The following TDRP variants were observed in gnomAD, a reference collection of about 807,000 sequenced individuals.
The protein encoded by TDRP is testis development-related protein.
Under a neutral mutation model 10.5 loss-of-function variants are expected in TDRP, and 12 were observed. The ratio of observed to expected loss-of-function variants is 1.15; its 90% confidence interval spans 0.73 to 1.86. The LOEUF (loss-of-function observed/expected upper bound fraction) is 1.86. Ranked by LOEUF, TDRP falls within the 40% of genes most tolerant of loss-of-function variation. The pLI, the probability that TDRP is intolerant of heterozygous loss-of-function variation, is 0.00. For synonymous variants in TDRP, 139 were observed against 95.4 expected, an observed-to-expected ratio of 1.46 and a Z score of -2.67; for missense variants, 353 against 229.2, an observed-to-expected ratio of 1.54 and a Z score of -3.49.
At chr8:508,682 G>C (rs577531288) in intron 1 of TDRP, among the ~76,000 whole-genome samples, 4 of 152,080 alleles carry the variant, frequency 2.6e-5, no homozygotes, top group African/African-American at 9.7e-5. Flanking sequence ...GGGACACACA[G>C]CCAAACCGTA....
intron 1 of TDRP, among the ~76,000 whole-genome samples, chr8:502,511 A>T (rs966101102): frequency 6.6e-6 from 1 of 152,176 alleles, no homozygotes; most frequent in African/African-American, 2.4e-5. Flanking sequence ...ACACAGTCTG[A>T]CTCAAAAAAC....
chr8:508,533 T>A lies in TDRP; in HGVS notation c.109-13936A>T, dbSNP rs193179946. Among the ~76,000 whole-genome samples the A allele has an allele frequency of 1.0e-3, 157 of 152,182 alleles. 3 individuals are homozygous for A. Among genetic ancestry groups the A allele is most frequent in the African/African-American group, 3.5e-3 (147 of 41,544 alleles). ...GGGGGAAGACTCCCTTATAAAACCA[T>A]CAGATCTCATGAGAACTCACTCACT... On this transcript the variant is annotated intron_variant, in intron 1 of 2. Transcript: ENST00000324079.
At chr8:521,045 G>C (rs947812334) in intron 1 of TDRP, among the ~76,000 whole-genome samples, 3 of 151,864 alleles carry the variant, frequency 2.0e-5, no homozygotes, top group Non-Finnish European at 4.4e-5. Context: ...TTTCTTCTAG[G>C]AGTTTTATAA....
chr8:499,832 C>G (rs1044432791), intron 1 of TDRP, among the ~76,000 whole-genome samples: 1 of 152,192 alleles, frequency 6.6e-6, no homozygotes, highest in African/African-American at 2.4e-5. Context: ...GGTGGAGTTC[C>G]TGAAGGGCCC....
At chr8:521,423 C>T (rs1584872859) in intron 1 of TDRP, among the ~76,000 whole-genome samples, 1 of 151,646 alleles carries the variant, frequency 6.6e-6, no homozygotes, top group Admixed American at 6.6e-5. Context: ...TCCCAAAAAA[C>T]AAAAAAAGAT....
intron 1 of TDRP, among the ~76,000 whole-genome samples, chr8:501,997 G>A (rs1801316711): frequency 6.6e-6 from 1 of 152,206 alleles, no homozygotes; most frequent in Non-Finnish European, 1.5e-5. Context: ...TGGGGGTGGT[G>A]ACGTGGTGAG....
intron 1 of TDRP, among the ~76,000 whole-genome samples, chr8:542,187 C>T (rs999685435): frequency 9.2e-5 from 14 of 152,134 alleles, no homozygotes; most frequent in Admixed American, 9.2e-4. Flanking sequence ...TGAATGCAAC[C>T]AAATGACATT....
In TDRP at chr8:492,468, TGCCGCGCGCAGGCTCCACCTGGA is replaced by T; in HGVS notation, c.466_488del (p.Ser156ArgfsTer11). On this transcript the variant is annotated frameshift_variant, in exon 3 of 3. Transcript: ENST00000324079. LOFTEE classifies it high-confidence loss of function. ...GCCGTCGGATGCTCACCAGCCTCCC[TGCCGCGCGCAGGCTCCACCTGGA>T]GCTGTTGGCAGAGCTGGCCAGGCTG... 6.2e-7 allele frequency: 1 copy of T among 1,604,212 alleles called. No individual in the cohort carries two copies. The highest frequency in any genetic ancestry group is 2.2e-5 in the East Asian group (1 of 44,624).
intron 1 of TDRP, among the ~76,000 whole-genome samples, chr8:531,241 A>C (rs1428854778): frequency 6.6e-6 from 1 of 152,026 alleles, no homozygotes. Context: ...TGTGACTTCT[A>C]AACTGGTTTC....
chr8:531,427 T>G (rs1802194217), intron 1 of TDRP, among the ~76,000 whole-genome samples: 1 of 152,164 alleles, frequency 6.6e-6, no homozygotes, highest in Non-Finnish European at 1.5e-5. Flanking sequence ...CTGAAGTGGG[T>G]GCAGTCTTGC....
intron 1 of TDRP, among the ~76,000 whole-genome samples, chr8:495,768 C>T (rs1801111090): frequency 6.6e-6 from 1 of 152,222 alleles, no homozygotes; most frequent in Admixed American, 6.5e-5. Context: ...ATAATGAATA[C>T]AATTCAATCA....
At chr8:499,330 A>C (rs1448614032) in intron 1 of TDRP, among the ~76,000 whole-genome samples, 2 of 152,108 alleles carry the variant, frequency 1.3e-5, no homozygotes, top group Non-Finnish European at 2.9e-5. Context: ...CCATTTCTGC[A>C]TACAATTTTC....
intron 1 of TDRP, among the ~76,000 whole-genome samples, chr8:502,082 C>A (rs1238199897): frequency 6.6e-6 from 1 of 152,226 alleles, no homozygotes; most frequent in Non-Finnish European, 1.5e-5. Context: ...CACCTCCCAC[C>A]TTCCTGAATA....
intron 1 of TDRP, among the ~76,000 whole-genome samples, chr8:528,768 T>A (rs1039307902): frequency 6.6e-6 from 1 of 152,152 alleles, no homozygotes; most frequent in African/African-American, 2.4e-5. Context: ...TCTAAAGGAA[T>A]AGAATAGGAT....
intron 1 of TDRP, among the ~76,000 whole-genome samples, chr8:540,160 G>C (rs1269186337): frequency 1.3e-5 from 2 of 152,196 alleles, no homozygotes; most frequent in African/African-American, 4.8e-5. Context: ...AAAACTTTGA[G>C]GGCAGAGGTT....
At chr8:498,690 G>C (rs1281805609) in intron 1 of TDRP, among the ~76,000 whole-genome samples, 1 of 152,124 alleles carries the variant, frequency 6.6e-6, no homozygotes, top group Non-Finnish European at 1.5e-5. Flanking sequence ...ACATTTGGGA[G>C]GGGCCAGGAG....
intron 1 of TDRP, among the ~76,000 whole-genome samples, chr8:542,208 A>G (rs1802512333): frequency 6.6e-6 from 1 of 152,214 alleles, no homozygotes; most frequent in Non-Finnish European, 1.5e-5. Flanking sequence ...CTGGAAAACT[A>G]TGGCGACAGT....
At chr8:493,355 A>C (rs1265024653) in intron 2 of TDRP, among the ~76,000 whole-genome samples, 2 of 152,230 alleles carry the variant, frequency 1.3e-5, no homozygotes, top group Non-Finnish European at 2.9e-5. Flanking sequence ...CCAGATGCTG[A>C]TGTATTAGCA....
intron 1 of TDRP, among the ~76,000 whole-genome samples, chr8:537,976 C>A (rs1011630898): frequency 9.2e-5 from 14 of 152,126 alleles, no homozygotes; most frequent in African/African-American, 3.4e-4. Flanking sequence ...ATTTCTCTTC[C>A]TATATTGTTA....
Sources: allele counts gnomAD v4.1 joint callset (sites outside exome capture counted in the v4.1 genomes callset), GRCh38; gene constraint gnomAD v4.1.1; transcripts MANE v1.5; gene names NCBI Gene and HGNC (gene_info 2026-07-23, HGNC 2026-07-21).